Variants in SH2D4B observed in about 807,000 individuals in gnomAD.
The protein encoded by SH2D4B is SH2 domain containing 4B, also known as SH2 domain-containing protein 4B.
SH2D4B carries 45 observed loss-of-function variants against 61.5 expected under a neutral mutation model. The ratio of observed to expected loss-of-function variants is 0.73; its 90% CI spans 0.58 to 0.94. SH2D4B has a LOEUF of 0.94. Among genes scored for constraint, SH2D4B ranks in the 40% least tolerant of loss-of-function variants. The pLI, the probability that SH2D4B is intolerant of heterozygous loss-of-function variation, is 0.00. For synonymous variants in SH2D4B, 224 were observed against 220.4 expected (o/e 1.02, Z -0.14); for missense variants, 572 against 574.2 (o/e 1.00, Z 0.04).
chr10:80,598,407 T>C (rs1332205471), intron 4 of SH2D4B, among the ~76,000 whole-genome samples: 1 of 152,168 alleles, frequency 6.6e-6, no homozygotes, highest in Non-Finnish European at 1.5e-5. Context: ...GTGTGGCAAC[T>C]GAAAATGGGA....
At chr10:80,558,118 T>C (rs549124121) in intron 1 of SH2D4B, among the ~76,000 whole-genome samples, 115 of 152,320 alleles carry the variant, frequency 7.5e-4, no homozygotes, top group African/African-American at 2.6e-3. Context: ...TTGTGTTCTT[T>C]AGTTTCTGAA....
chr10:80,633,571 C>T (rs769745309), intron 6 of SH2D4B, among the ~76,000 whole-genome samples: 2 of 152,134 alleles, frequency 1.3e-5, no homozygotes, highest in Non-Finnish European at 2.9e-5. Flanking sequence ...TACATCACGC[C>T]TCCTATATCA....
At chr10:80,570,047 C>T (rs759410691) in intron 1 of SH2D4B, 107 bp from the exon 2 acceptor site, 3 of 1,348,080 alleles carry the variant, frequency 2.2e-6, no homozygotes, top group Non-Finnish European at 3.1e-6. Flanking sequence ...TTGTGGATGA[C>T]AATGTTCCAT....
intron 3 of SH2D4B, among the ~76,000 whole-genome samples, chr10:80,576,309 G>A (rs796784434): frequency 6.6e-6 from 1 of 152,216 alleles, no homozygotes; most frequent in African/African-American, 2.4e-5. Flanking sequence ...GCCAAGGAAG[G>A]TTATGATTAT....
chr10:80,601,668 G>C (rs896023675), intron 4 of SH2D4B, among the ~76,000 whole-genome samples: 4 of 152,228 alleles, frequency 2.6e-5, no homozygotes, highest in African/African-American at 7.2e-5. Context: ...CCTTCTGAGG[G>C]ACAGACTTCA....
chr10:80,577,391 C>A (rs72805720), intron 3 of SH2D4B, among the ~76,000 whole-genome samples: 1 of 151,790 alleles, frequency 6.6e-6, no homozygotes, highest in Non-Finnish European at 1.5e-5. Flanking sequence ...GAATCATACA[C>A]AAATAAAATG....
intron 7 of SH2D4B, among the ~76,000 whole-genome samples, chr10:80,638,856 CT>C (rs1840238043): frequency 6.6e-6 from 1 of 152,144 alleles, no homozygotes; most frequent in East Asian, 1.9e-4. Context: ...TCTTGCTTCT[CT>C]AGTTCTTTTA....
chr10:80,566,135 G>A (rs1431608665), intron 1 of SH2D4B, among the ~76,000 whole-genome samples: 2 of 148,822 alleles, frequency 1.3e-5, no homozygotes, highest in Admixed American at 6.7e-5. Flanking sequence ...AGAGGGAAGG[G>A]GTTTCTCCTA....
At chr10:80,581,788 G>A (rs972867837) in intron 3 of SH2D4B, among the ~76,000 whole-genome samples, 2 of 152,354 alleles carry the variant, frequency 1.3e-5, no homozygotes, top group Non-Finnish European at 2.9e-5. Flanking sequence ...GTGGCAGCAT[G>A]CAGTTGATGT....
rs188468446 is a variant in SH2D4B at position 80,577,664 on chromosome 10, G to A, written c.495+6086G>A. Among the ~76,000 whole-genome samples the A allele has an allele frequency of 1.3e-3, 201 of 151,752 alleles. 1 individual carries two copies. The East Asian group carries it at 0.028, about 22-fold the overall frequency. Reference sequence around the variant, plus strand: ...GATGGTCTTGATCTCCTGACCTTGCGATCCACCCGCCTCAGCCTCCCAAAG... The same window carrying A: ...GATGGTCTTGATCTCCTGACCTTGCAATCCACCCGCCTCAGCCTCCCAAAG... On this transcript the variant is annotated intron_variant, in intron 3 of 7. Coordinates refer to ENST00000646907, the MANE Select transcript of SH2D4B (RefSeq NM_001388272.1).
At chr10:80,556,997 A>G (rs987789158) in intron 1 of SH2D4B, among the ~76,000 whole-genome samples, 1 of 152,102 alleles carries the variant, frequency 6.6e-6, no homozygotes, top group Non-Finnish European at 1.5e-5. Flanking sequence ...GAAGTATTCA[A>G]TCTCCGGTCA....
At chr10:80,542,381 G>A (rs1841592172) in intron 1 of SH2D4B, among the ~76,000 whole-genome samples, 1 of 150,328 alleles carries the variant, frequency 6.7e-6, no homozygotes, top group African/African-American at 2.5e-5. Flanking sequence ...TTCCCTGTTT[G>A]GACCTGTCAG....
intron 4 of SH2D4B, among the ~76,000 whole-genome samples, chr10:80,601,460 C>T (rs1014620423): frequency 2.0e-5 from 3 of 152,230 alleles, no homozygotes; most frequent in African/African-American, 7.2e-5. Flanking sequence ...CTGTATCCAA[C>T]TCAGGGCCTA....
At chr10:80,563,558 A>G (rs1349616779) in intron 1 of SH2D4B, among the ~76,000 whole-genome samples, 2 of 152,168 alleles carry the variant, frequency 1.3e-5, no homozygotes, top group East Asian at 1.9e-4. Context: ...TTTCAATTAC[A>G]TATTTGTTTT....
chr10:80,643,499 C>G (rs1270293588), intron 7 of SH2D4B, among the ~76,000 whole-genome samples: 1 of 152,082 alleles, frequency 6.6e-6, no homozygotes, highest in African/African-American at 2.4e-5. Context: ...TGAGTGGATA[C>G]AGTCTTGTTT....
chr10:80,544,064 C>T (rs1464327585), intron 1 of SH2D4B, among the ~76,000 whole-genome samples: 13 of 152,090 alleles, frequency 8.5e-5, no homozygotes, highest in Non-Finnish European at 1.8e-4. Context: ...CTCCTGTCCC[C>T]TTCCACACTG....
chr10:80,629,029 C>CAA lies in SH2D4B; in HGVS notation c.989-5245_989-5244dup, dbSNP rs55766810. On this transcript the variant is annotated intron_variant, in intron 6 of 7. Coordinates refer to ENST00000646907, the MANE Select transcript of SH2D4B (RefSeq NM_001388272.1). ...TGGGTGACAGAGCGAGACTCTATCT[C>CAA]AAAAAAAAAAAAGAAAAAGAAAAAG... Among the ~76,000 whole-genome samples, 1,067 of 135,256 alleles carry CAA rather than the reference C, an allele frequency of 7.9e-3. 10 individuals carry two copies. The highest frequency in any genetic ancestry group is 0.036 in the Middle Eastern group (10 of 276). The allele number at this position is 135,256 out of a possible 152,430, so 88.7% of individuals were successfully genotyped here.
At chr10:80,569,764 C>T (rs1842015771) in intron 1 of SH2D4B, among the ~76,000 whole-genome samples, 1 of 152,096 alleles carries the variant, frequency 6.6e-6, no homozygotes, top group Non-Finnish European at 1.5e-5. Flanking sequence ...TAAATTCCTC[C>T]CATTGTTAGC....
chr10:80,634,348 T>G lies in SH2D4B; in HGVS notation c.1052T>G (p.Val351Gly), dbSNP rs1426037097. Residue 351 changes from valine (V) to glycine (G), a missense_variant, in exon 7 of 8, where the codon GTC becomes GGC. Physicochemically the swap from Val to Gly is moderately radical, Grantham distance 109. Transcript: ENST00000646907. ...AACATGACTGAGGGAGCATTCCTGG[T>G]CCGGGTCAGTGAGAAAATCTGGGGT... is the stretch of plus-strand genomic sequence containing the variant. Reference protein sequence around the residue: ...LENMTEGAFLVRVSEKIWGYT... With the variant: ...LENMTEGAFLGRVSEKIWGYT... The G allele has an allele frequency of 6.5e-7, 1 of 1,550,248 alleles. No homozygotes were observed. Among genetic ancestry groups the G allele is most frequent in the Non-Finnish European group, 8.7e-7 (1 of 1,146,716 alleles).
Sources: gnomAD v4.1 joint callset for allele counts (sites outside exome capture counted in the v4.1 genomes callset) on GRCh38, gnomAD v4.1.1 for gene constraint, MANE v1.5 for transcripts, NCBI Gene and HGNC (gene_info 2026-07-23, HGNC 2026-07-21) for gene names.